Variants in BARD1 observed in about 807,000 individuals in gnomAD.
The protein encoded by BARD1 is BRCA1 associated RING domain 1.
In BARD1, 73 loss-of-function variants were observed where a neutral mutation model predicts 77.0. That is an observed-to-expected ratio of 0.95 (90% CI 0.79 to 1.15). The LOEUF (loss-of-function observed/expected upper bound fraction) is 1.15. Among genes scored for constraint, BARD1 ranks in the 50% most tolerant of loss-of-function variants. The pLI is 0.00. For missense variants in BARD1, 993 were observed against 938.8 expected (o/e 1.06, Z -0.75); for synonymous variants, 384 against 338.0 (o/e 1.14, Z -1.49).
rs587781707 is a variant in BARD1, at chr2:214,752,472, G to C, written c.1652C>G (p.Ser551Ter). Reference protein sequence around the residue: ...SLLLLPEKNESSSASHCSVMN... With the variant: ...SLLLLPEKNE ...TACTGAGCAGTGGCTAGCTGAGGATGATTCATTCTTCTCTGGTAGCAGCAA... is the reference window on the plus strand; with the variant it reads ...TACTGAGCAGTGGCTAGCTGAGGATCATTCATTCTTCTCTGGTAGCAGCAA... The change falls in exon 7 of 11, where the codon TCA becomes TGA. Residue 551 changes from serine to a stop codon, truncating the protein, a stop_gained. Transcript: ENST00000260947. LOFTEE classifies it high-confidence loss of function. The C allele has an allele frequency of 4.6e-5, 74 of 1,613,030 alleles. No homozygotes were observed. Among genetic ancestry groups the C allele is most frequent in the Non-Finnish European group, 5.9e-5 (70 of 1,179,288 alleles).
intron 2 of BARD1, among the ~76,000 whole-genome samples, chr2:214,795,000 C>A (rs886958431): frequency 5.3e-5 from 8 of 151,954 alleles, no homozygotes; most frequent in Non-Finnish European, 8.8e-5. Flanking sequence ...CGTATGGATC[C>A]CCCACCCCAC....
At chr2:214,763,730 A>G (rs767530606) in intron 6 of BARD1, among the ~76,000 whole-genome samples, 14 of 152,146 alleles carry the variant, frequency 9.2e-5, no homozygotes, top group Non-Finnish European at 1.5e-4. Context: ...AGACAGAAAA[A>G]GTTTGTTTGC....
chr2:214,809,648 C>A lies in BARD1; in HGVS notation c.-79G>T. ...GGGAAACCACAGGGAAGCTGCAGGC[C>A]AGCGACTCGAAACCGGCCAAGCTCT... On this transcript the variant is annotated 5_prime_UTR_variant, in exon 1 of 11. Transcript: ENST00000260947. The A allele has an allele frequency of 6.7e-7, 1 of 1,496,402 alleles. No individual in the cohort carries two copies. The highest frequency in any genetic ancestry group is 1.2e-5 in the South Asian group (1 of 82,876). The allele number at this position is 1,496,402 out of a possible 1,614,324, so 92.7% of individuals were successfully genotyped here.
chr2:214,778,758 C>T (rs886073167), intron 4 of BARD1, among the ~76,000 whole-genome samples: 1 of 152,074 alleles, frequency 6.6e-6, no homozygotes, highest in Non-Finnish European at 1.5e-5. Flanking sequence ...AAGCTGAAAA[C>T]ATTTACTCTA....
chr2:214,786,136 T>C (rs974522149), intron 3 of BARD1, among the ~76,000 whole-genome samples: 2 of 151,946 alleles, frequency 1.3e-5, no homozygotes, highest in African/African-American at 2.4e-5. Flanking sequence ...TCCTAAGGGA[T>C]ATAACATCTA....
rs1381992465 is a variant in BARD1, at chr2:214,782,844, G to C, written c.365-1335C>G. Among the ~76,000 whole-genome samples, 8 of 152,100 alleles carry C rather than the reference G, an allele frequency of 5.3e-5. 1 individual carries two copies. Among genetic ancestry groups the C allele is most frequent in the African/African-American group, 1.2e-4 (5 of 41,410 alleles). Reference sequence around the variant, plus strand: ...ACTGCCATGTGGAGGAGGAACTTTGGAAAGAAAAGAGTAGAAACAATAGCC... The same window carrying C: ...ACTGCCATGTGGAGGAGGAACTTTGCAAAGAAAAGAGTAGAAACAATAGCC... On this transcript the variant is annotated intron_variant, in intron 3 of 10. Coordinates refer to ENST00000260947, the MANE Select transcript of BARD1 (RefSeq NM_000465.4).
intron 6 of BARD1, among the ~76,000 whole-genome samples, chr2:214,765,269 A>C (rs1694144237): frequency 6.6e-6 from 1 of 152,174 alleles, no homozygotes; most frequent in Non-Finnish European, 1.5e-5. Context: ...AGTCCTACTT[A>C]AACCAACACT....
chr2:214,772,456 A>G (rs753693796), intron 4 of BARD1, among the ~76,000 whole-genome samples: 2 of 152,216 alleles, frequency 1.3e-5, no homozygotes, highest in Non-Finnish European at 2.9e-5. Flanking sequence ...AATGCAAAAA[A>G]AAAATATTAA....
chr2:214,760,751 AAG>A (rs1459503271), intron 6 of BARD1, among the ~76,000 whole-genome samples: 1 of 151,938 alleles, frequency 6.6e-6, no homozygotes, highest in Non-Finnish European at 1.5e-5. Flanking sequence ...AAATAGGTAA[AAG>A]TTTTACAGTT....
At chr2:214,787,899 CTT>C (rs1299010483) in intron 3 of BARD1, among the ~76,000 whole-genome samples, 1 of 151,982 alleles carries the variant, frequency 6.6e-6, no homozygotes, top group East Asian at 1.9e-4. Flanking sequence ...TGAGAAATCT[CTT>C]TGACGAACCA....
intron 9 of BARD1, among the ~76,000 whole-genome samples, chr2:214,744,445 T>A (rs1475904064): frequency 6.6e-6 from 1 of 152,262 alleles, no homozygotes; most frequent in Admixed American, 6.5e-5. Flanking sequence ...TTAAAACATG[T>A]GTTATTAAAT....
At position 214,727,932 on chromosome 2, in the gene BARD1, C is replaced by G; in HGVS notation, c.*744G>C. The G allele has an allele frequency of 4.6e-6, 1 of 215,682 alleles. No individual in the cohort carries two copies. The highest frequency in any genetic ancestry group is 9.3e-6 in the Non-Finnish European group (1 of 107,118). The allele number at this position is 215,682 out of a possible 1,614,324, so 13.4% of individuals were successfully genotyped here. On this transcript the variant is annotated 3_prime_UTR_variant, in exon 11 of 11. Coordinates refer to ENST00000260947, the MANE Select transcript of BARD1 (RefSeq NM_000465.4). ...ATTAAAATGTGTTAGAGAAAATGCT[C>G]TAAGTATATATACACATGTAGTAGA... is the stretch of plus-strand genomic sequence containing the variant.
chr2:214,773,801 A>G (rs894276158), intron 4 of BARD1, among the ~76,000 whole-genome samples: 6 of 152,162 alleles, frequency 3.9e-5, no homozygotes, highest in Non-Finnish European at 8.8e-5. Flanking sequence ...AATCAGGACA[A>G]TGAAGTATGC....
At chr2:214,791,716 T>C (rs182139761) in intron 3 of BARD1, among the ~76,000 whole-genome samples, 14 of 152,318 alleles carry the variant, frequency 9.2e-5, no homozygotes, top group Middle Eastern at 3.4e-3. Context: ...AGAAAAGTGA[T>C]CCATGGAAAA....
intron 2 of BARD1, among the ~76,000 whole-genome samples, chr2:214,792,835 TC>T (rs1395963092): frequency 6.6e-6 from 1 of 152,110 alleles, no homozygotes; most frequent in African/African-American, 2.4e-5. Flanking sequence ...GGAAAGACCT[TC>T]TGTTTTGTTT....
intron 9 of BARD1, among the ~76,000 whole-genome samples, chr2:214,736,703 G>A (rs776845183): frequency 4.0e-5 from 6 of 151,536 alleles, no homozygotes; most frequent in Non-Finnish European, 7.4e-5. Flanking sequence ...AGTCCAGTAA[G>A]TATGGCATCA....
rs1364155506 is a variant in BARD1 at position 214,772,156 on chromosome 2, T to TG, written c.1315-2845dup. On this transcript the variant is annotated intron_variant, in intron 4 of 10. Coordinates refer to ENST00000260947, the MANE Select transcript of BARD1 (RefSeq NM_000465.4). ...AATTTTTTTTATTGTTTTGTAGAGA[T>TG]GGGGGTCTCACTATGTTGCCCAAAC... Among the ~76,000 whole-genome samples, 3 of 152,172 alleles carry TG rather than the reference T, an allele frequency of 2.0e-5. No homozygotes were observed. In the East Asian group the frequency reaches 5.8e-4, roughly 29 times the overall value.
chr2:214,774,548 C>A (rs1694656291), intron 4 of BARD1, among the ~76,000 whole-genome samples: 1 of 152,146 alleles, frequency 6.6e-6, no homozygotes, highest in Non-Finnish European at 1.5e-5. Context: ...CAACAGCAGG[C>A]TTAAAATATT....
At chr2:214,739,686 A>T (rs570172080) in intron 9 of BARD1, among the ~76,000 whole-genome samples, 1 of 152,142 alleles carries the variant, frequency 6.6e-6, no homozygotes, top group Non-Finnish European at 1.5e-5. Flanking sequence ...AAAGGCTGAA[A>T]ATATAAAATA....
Sources: gnomAD v4.1 joint callset for allele counts (sites outside exome capture counted in the v4.1 genomes callset) on GRCh38, gnomAD v4.1.1 for gene constraint, MANE v1.5 for transcripts, NCBI Gene and HGNC (gene_info 2026-07-23, HGNC 2026-07-21) for gene names.